Variants in RRP15 observed in about 807,000 individuals in gnomAD.
The protein encoded by RRP15 is ribosomal RNA processing 15 homolog.
A neutral mutation model predicts 27.1 loss-of-function variants in RRP15; 18 were observed. The ratio of observed to expected loss-of-function variants is 0.66; its 90% CI spans 0.46 to 0.98. The LOEUF is 0.98. Ranked by LOEUF, RRP15 falls within the 50% of genes least tolerant of loss-of-function variation. The probability of loss-of-function intolerance (pLI) is 0.00; values close to 1 mark genes in which losing one functional copy is unlikely to be tolerated. For synonymous variants in RRP15, 107 were observed against 109.4 expected (o/e 0.98, Z 0.14); for missense variants, 359 against 337.8 (o/e 1.06, Z -0.49).
At chr1:218,320,033 A>G (rs1230430202) in intron 4 of RRP15, among the ~76,000 whole-genome samples, 1 of 132,514 alleles carries the variant, frequency 7.5e-6, no homozygotes, top group Non-Finnish European at 1.6e-5. Context: ...TTTTTTTTTT[A>G]CTATGTTTTA....
intron 4 of RRP15, among the ~76,000 whole-genome samples, chr1:218,328,458 T>G (rs528005879): frequency 6.6e-6 from 1 of 152,014 alleles, no homozygotes; most frequent in East Asian, 1.9e-4. Context: ...GTCAGGAGAT[T>G]GAGACCATCC....
intron 1 of RRP15, among the ~76,000 whole-genome samples, chr1:218,293,698 C>T (rs1239730803): frequency 6.6e-6 from 1 of 152,144 alleles, no homozygotes; most frequent in Non-Finnish European, 1.5e-5. Flanking sequence ...TTTCTTTTCA[C>T]ATATTGTATA....
chr1:218,331,384 A>G lies in RRP15; in HGVS notation c.*293A>G, dbSNP rs1656366592. 1.5e-5 allele frequency: 3 copies of G among 203,776 alleles called. No homozygotes were observed. Among genetic ancestry groups the G allele is most frequent in the Non-Finnish European group, 2.0e-5 (2 of 100,778 alleles). 12.6% of individuals were successfully genotyped at this position (203,776 alleles called of 1,614,324 possible). A position where few individuals can be genotyped will look rare whatever the true frequency, so the allele number is the denominator to read the frequency against. Reference sequence around the variant, plus strand: ...TCATATTGGTCATGTCTATTGGTGTATTATTTCAGTATCACCAATGTTTTC... The same window carrying G: ...TCATATTGGTCATGTCTATTGGTGTGTTATTTCAGTATCACCAATGTTTTC... On this transcript the variant is annotated 3_prime_UTR_variant, in exon 5 of 5. Coordinates refer to ENST00000366932, the MANE Select transcript of RRP15 (RefSeq NM_016052.4).
At chr1:218,314,737 A>C (rs1243614134) in intron 4 of RRP15, among the ~76,000 whole-genome samples, 2 of 152,124 alleles carry the variant, frequency 1.3e-5, no homozygotes, top group African/African-American at 4.8e-5. Flanking sequence ...TCACATCTGT[A>C]ATCTCAGCAC....
At chr1:218,291,460 A>G (rs1298870659) in intron 1 of RRP15, among the ~76,000 whole-genome samples, 1 of 151,704 alleles carries the variant, frequency 6.6e-6, no homozygotes, top group Non-Finnish European at 1.5e-5. Context: ...TGAATAAATA[A>G]ATTTTAAAAA....
At chr1:218,328,807 A>G (rs1474742095) in intron 4 of RRP15, among the ~76,000 whole-genome samples, 4 of 152,154 alleles carry the variant, frequency 2.6e-5, no homozygotes, top group Admixed American at 2.6e-4. Flanking sequence ...GCTCTCTTGT[A>G]GAAACACTCT....
chr1:218,301,991 G>A (rs1377956407), intron 1 of RRP15: 1 of 306,628 alleles, frequency 3.3e-6, no homozygotes, highest in African/African-American at 2.1e-5. Flanking sequence ...GCCAACATCT[G>A]TCACCATTTT....
chr1:218,324,838 C>G (rs978166031), intron 4 of RRP15, among the ~76,000 whole-genome samples: 2 of 152,056 alleles, frequency 1.3e-5, no homozygotes, highest in Non-Finnish European at 2.9e-5. Context: ...TGAAGTTAAT[C>G]ATTGTCTTGA....
intron 1 of RRP15, among the ~76,000 whole-genome samples, chr1:218,289,765 C>T (rs904277552): frequency 6.6e-6 from 1 of 152,220 alleles, no homozygotes; most frequent in Non-Finnish European, 1.5e-5. Flanking sequence ...TCACCCCAAC[C>T]TCCACCTCCA....
At chr1:218,319,218 C>A (rs58256964) in intron 4 of RRP15, among the ~76,000 whole-genome samples, 4 of 151,920 alleles carry the variant, frequency 2.6e-5, no homozygotes, top group Non-Finnish European at 4.4e-5. Context: ...GCGCCCGCCA[C>A]GACGCTTAGC....
intron 4 of RRP15, among the ~76,000 whole-genome samples, chr1:218,323,565 G>A (rs1395637926): frequency 2.0e-5 from 3 of 152,156 alleles, no homozygotes; most frequent in African/African-American, 4.8e-5. Flanking sequence ...CCCAGGCTTC[G>A]GGCCCTCCCT....
At chr1:218,318,850 T>C (rs1656131593) in intron 4 of RRP15, among the ~76,000 whole-genome samples, 1 of 152,094 alleles carries the variant, frequency 6.6e-6, no homozygotes, top group Non-Finnish European at 1.5e-5. Context: ...ATCTTTTGCC[T>C]TTTACCATCA....
chr1:218,320,935 G>T (rs1473078606), intron 4 of RRP15, among the ~76,000 whole-genome samples: 1 of 151,988 alleles, frequency 6.6e-6, no homozygotes, highest in Non-Finnish European at 1.5e-5. Flanking sequence ...TTCTTGTTAG[G>T]GAAAGCAATG....
chr1:218,285,743 C>G (rs901892639), intron 1 of RRP15, among the ~76,000 whole-genome samples: 2 of 151,568 alleles, frequency 1.3e-5, no homozygotes, highest in African/African-American at 4.8e-5. Context: ...GAGAAACTTA[C>G]AGTAGCAAAG....
At chr1:218,330,461 T>G (rs1388974414) in intron 4 of RRP15, among the ~76,000 whole-genome samples, 3 of 152,226 alleles carry the variant, frequency 2.0e-5, no homozygotes, top group Non-Finnish European at 4.4e-5. Flanking sequence ...AGATGGCATC[T>G]TAAAAAACCT....
At chr1:218,310,433 T>C (rs1655975440) in intron 4 of RRP15, among the ~76,000 whole-genome samples, 1 of 152,192 alleles carries the variant, frequency 6.6e-6, no homozygotes, top group East Asian at 1.9e-4. Context: ...TATGTGTTAT[T>C]CAGTTTTGAC....
intron 1 of RRP15, 63 bp from the exon 2 acceptor site, chr1:218,302,231 G>A: frequency 6.1e-6 from 8 of 1,310,860 alleles, no homozygotes; most frequent in African/African-American, 1.5e-5. Context: ...GGGTTCGGGG[G>A]GCCTTGGCAG....
At position 218,328,478 on chromosome 1, in the gene RRP15, T is replaced by G. The variant is rs551175252; in HGVS notation, c.706-2470T>G. On this transcript the variant is annotated intron_variant, in intron 4 of 4. Coordinates refer to ENST00000366932, the MANE Select transcript of RRP15 (RefSeq NM_016052.4). ...GAGATTGAGACCATCCTGGCTAACA[T>G]GGTGAAACCCCATCTCTACTAAAAA... 3.3e-5 allele frequency among the ~76,000 whole-genome samples: 5 copies of G among 152,148 alleles called. No individual in the cohort carries two copies. In the South Asian group the frequency reaches 6.2e-4, roughly 19 times the overall value.
chr1:218,302,646 C>T, intron 2 of RRP15, 87 bp downstream of exon 2: 1 of 1,516,174 alleles, frequency 6.6e-7, no homozygotes, highest in South Asian at 1.4e-5. Context: ...AGTGTTTGAC[C>T]AATTAACGTT....
Sources: allele counts gnomAD v4.1 joint callset (sites outside exome capture counted in the v4.1 genomes callset), GRCh38; gene constraint gnomAD v4.1.1; transcripts MANE v1.5; gene names NCBI Gene and HGNC (gene_info 2026-07-23, HGNC 2026-07-21).